The following RBMS3 variants were observed in gnomAD, a reference collection of about 807,000 sequenced individuals.
RBMS3 encodes RNA binding motif single stranded interacting protein 3.
RBMS3 carries 27 observed loss-of-function variants against 66.8 expected under a neutral mutation model. That is an observed-to-expected ratio of 0.40 (90% confidence interval 0.30 to 0.56). The LOEUF is 0.56. Ranked by LOEUF, RBMS3 falls within the 20% of genes least tolerant of loss-of-function variation. RBMS3 has a pLI of 0.40. For synonymous variants in RBMS3, 188 were observed against 183.0 expected, an observed-to-expected ratio of 1.03 and a Z score of -0.22; for missense variants, 513 against 549.5, an observed-to-expected ratio of 0.93 and a Z score of 0.66.
intron 1 of RBMS3, among the ~76,000 whole-genome samples, chr3:29,368,272 C>G (rs1427748013): frequency 6.6e-6 from 1 of 152,138 alleles, no homozygotes; most frequent in Non-Finnish European, 1.5e-5. Flanking sequence ...TGATGCAGCT[C>G]TGTGAACTAG....
At chr3:29,463,624 A>G (rs559980341) in intron 2 of RBMS3, among the ~76,000 whole-genome samples, 2 of 152,148 alleles carry the variant, frequency 1.3e-5, no homozygotes, top group South Asian at 2.1e-4. Flanking sequence ...GAAAAAAAAA[A>G]AAAAAAAGCA....
At chr3:29,918,966 A>T (rs1167013320) in intron 10 of RBMS3, among the ~76,000 whole-genome samples, 1 of 152,136 alleles carries the variant, frequency 6.6e-6, no homozygotes, top group Non-Finnish European at 1.5e-5. Flanking sequence ...AAAACTAAAA[A>T]GTTATAAAAA....
chr3:29,396,321 C>A (rs917843244), intron 1 of RBMS3, among the ~76,000 whole-genome samples: 5 of 151,998 alleles, frequency 3.3e-5, no homozygotes, highest in African/African-American at 1.2e-4. Flanking sequence ...AGACAAAAAC[C>A]AAAGACATGT....
At chr3:29,282,317 G>GT (rs2031878915) in intron 1 of RBMS3, among the ~76,000 whole-genome samples, 2 of 152,218 alleles carry the variant, frequency 1.3e-5, no homozygotes, top group South Asian at 4.2e-4. Flanking sequence ...TTTATTTTAT[G>GT]TTGAGGATGA....
intron 6 of RBMS3, among the ~76,000 whole-genome samples, chr3:29,839,507 A>G (rs930759335): frequency 3.9e-5 from 6 of 152,014 alleles, no homozygotes; most frequent in Non-Finnish European, 5.9e-5. Flanking sequence ...ATAGAGGTGG[A>G]CATCTAAAAT....
chr3:29,864,143 C>A (rs2059286806), intron 6 of RBMS3, among the ~76,000 whole-genome samples: 1 of 152,134 alleles, frequency 6.6e-6, no homozygotes, highest in Non-Finnish European at 1.5e-5. Flanking sequence ...CCAGTGAAAT[C>A]TATTACTATG....
chr3:29,612,068 A>G (rs991104513), intron 4 of RBMS3, among the ~76,000 whole-genome samples: 1 of 152,082 alleles, frequency 6.6e-6, no homozygotes, highest in Non-Finnish European at 1.5e-5. Flanking sequence ...GAAGAAAATT[A>G]TAATATCTAT....
chr3:29,576,500 C>G (rs576226474), intron 3 of RBMS3, among the ~76,000 whole-genome samples: 60 of 152,154 alleles, frequency 3.9e-4, no homozygotes, highest in African/African-American at 1.4e-3. Context: ...CCTATGTTTA[C>G]AAAAAACCCT....
At chr3:29,408,733 C>G (rs1042976847) in intron 1 of RBMS3, among the ~76,000 whole-genome samples, 1 of 152,110 alleles carries the variant, frequency 6.6e-6, no homozygotes, top group Non-Finnish European at 1.5e-5. Context: ...ATTGTGTAAT[C>G]GCTGTACCAA....
In RBMS3 at chr3:29,384,776, C is replaced by T. The variant is rs74579007; in HGVS notation, c.76-49967C>T. 4.0e-3 allele frequency among the ~76,000 whole-genome samples: 604 copies of T among 152,280 alleles called. 5 individuals carry two copies. Among genetic ancestry groups the T allele is most frequent in the African/African-American group, 0.014 (571 of 41,564 alleles). ...GGTTTCCGGCCTTCCCAGGCCACTCCGCATAAAGCATCCTCACTCCCTGAG... is the reference window on the plus strand; with the variant it reads ...GGTTTCCGGCCTTCCCAGGCCACTCTGCATAAAGCATCCTCACTCCCTGAG... On this transcript the variant is annotated intron_variant, in intron 1 of 14. Transcript: ENST00000383767.
At chr3:29,639,593 CAGAGAGAGAGAGAG>C (rs60712857) in intron 4 of RBMS3, among the ~76,000 whole-genome samples, 1 of 143,074 alleles carries the variant, frequency 7.0e-6, no homozygotes, top group African/African-American at 2.6e-5. Flanking sequence ...AGAAGATAGA[CAGAGAGAGAGAGAG>C]AGAGAGAGAG....
At chr3:29,364,030 T>C (rs973554979) in intron 1 of RBMS3, among the ~76,000 whole-genome samples, 1 of 152,098 alleles carries the variant, frequency 6.6e-6, no homozygotes, top group Non-Finnish European at 1.5e-5. Flanking sequence ...TCATGTTTCT[T>C]AGGGCCAATA....
intron 5 of RBMS3, among the ~76,000 whole-genome samples, chr3:29,762,025 A>T (rs1053521737): frequency 3.3e-5 from 5 of 152,130 alleles, no homozygotes; most frequent in African/African-American, 1.2e-4. Context: ...CATTATTTGG[A>T]AACTGCTACA....
In RBMS3 at chr3:29,878,388, A is replaced by G. The variant is rs574749382; in HGVS notation, c.745-5774A>G. 4.5e-4 allele frequency among the ~76,000 whole-genome samples: 69 copies of G among 152,072 alleles called. 1 individual carries two copies. Among genetic ancestry groups the G allele is most frequent in the Non-Finnish European group, 1.0e-4 (7 of 67,990 alleles). ...TTTTAGTATCACATAGGAGACCCTC[A>G]ATTTCTCAGCCAGGGTGTAGCCATT... On this transcript the variant is annotated intron_variant, in intron 7 of 14. Transcript: ENST00000383767.
chr3:29,600,432 C>T (rs2048104692), intron 4 of RBMS3, among the ~76,000 whole-genome samples: 1 of 152,034 alleles, frequency 6.6e-6, no homozygotes, highest in Non-Finnish European at 1.5e-5. Flanking sequence ...GTTATCTTTG[C>T]ACAGTCTGGC....
intron 4 of RBMS3, among the ~76,000 whole-genome samples, chr3:29,686,520 T>TA (rs971555238): frequency 2.0e-5 from 3 of 151,984 alleles, no homozygotes; most frequent in African/African-American, 4.8e-5. Flanking sequence ...CCCATCTCTG[T>TA]AAAAAATAAA....
intron 6 of RBMS3, among the ~76,000 whole-genome samples, chr3:29,830,548 A>T (rs1391784131): frequency 1.3e-5 from 2 of 152,150 alleles, no homozygotes; most frequent in Admixed American, 6.6e-5. Flanking sequence ...AGTAAAATAC[A>T]TAGAATGGGT....
At chr3:29,823,837 G>T (rs1291261272) in intron 6 of RBMS3, among the ~76,000 whole-genome samples, 1 of 152,132 alleles carries the variant, frequency 6.6e-6, no homozygotes, top group Non-Finnish European at 1.5e-5. Flanking sequence ...ACCTAGGAAT[G>T]AAATTGCTTG....
At chr3:29,516,526 A>G (rs1576083084) in intron 3 of RBMS3, among the ~76,000 whole-genome samples, 1 of 152,178 alleles carries the variant, frequency 6.6e-6, no homozygotes, top group African/African-American at 2.4e-5. Context: ...CAGTGGTACA[A>G]TGATGGCTTA....
Sources: gnomAD v4.1 joint callset for allele counts (sites outside exome capture counted in the v4.1 genomes callset) on GRCh38, gnomAD v4.1.1 for gene constraint, MANE v1.5 for transcripts, NCBI Gene and HGNC (gene_info 2026-07-23, HGNC 2026-07-21) for gene names.